Variants in DLGAP2 observed in about 807,000 individuals in gnomAD.
The protein encoded by DLGAP2 is disks large-associated protein 2.
A neutral mutation model predicts 100.3 loss-of-function variants in DLGAP2; 26 were observed. The observed-to-expected ratio is 0.26, with a 90% CI of 0.19 to 0.36. The LOEUF is 0.36. Among genes scored for constraint, DLGAP2 ranks in the 10% least tolerant of loss-of-function variants. The pLI, the probability that DLGAP2 is intolerant of heterozygous loss-of-function variation, is 1.00. For missense variants in DLGAP2, 1,858 were observed against 1,453.2 expected (o/e 1.28, Z -4.53); for synonymous variants, 886 against 630.1 (o/e 1.41, Z -6.08).
intron 12 of DLGAP2, among the ~76,000 whole-genome samples, chr8:1,681,555 G>T (rs1320211454): frequency 1.3e-5 from 2 of 152,048 alleles, no homozygotes; most frequent in Non-Finnish European, 2.9e-5. Context: ...CTTCTCAGGA[G>T]GCTAAGGTGG....
chr8:859,489 C>T (rs3860879), intron 1 of DLGAP2, among the ~76,000 whole-genome samples: 45,386 of 151,728 alleles, frequency 0.3, 7,610 homozygotes, highest in Non-Finnish European at 0.39. Flanking sequence ...AGCTGGTTAG[C>T]GGCACGTGTG....
intron 2 of DLGAP2, among the ~76,000 whole-genome samples, chr8:1,086,685 G>A (rs758643571): frequency 6.6e-6 from 1 of 152,074 alleles, no homozygotes; most frequent in Non-Finnish European, 1.5e-5. Flanking sequence ...AATGATAAAG[G>A]GGTTAATTCA....
Position 966,316 on chromosome 8 carries a change from C to G in DLGAP2, c.73+58350C>G, listed in dbSNP as rs971390159. The stretch of plus-strand genomic sequence containing the variant: ...ATGAATGTAACTTTGAACACTTGAT[C>G]AGAAAGAGAAAACGGATGACATGTT... On this transcript the variant is annotated intron_variant, in intron 2 of 14. Transcript: ENST00000637795. Among the ~76,000 whole-genome samples, 15 of 152,264 alleles carry G rather than the reference C, an allele frequency of 9.9e-5. No homozygotes were observed. The East Asian group carries it at 2.1e-3, about 22-fold the overall frequency.
chr8:1,160,121 G>A (rs545404637), intron 2 of DLGAP2, among the ~76,000 whole-genome samples: 1 of 152,236 alleles, frequency 6.6e-6, no homozygotes, highest in Non-Finnish European at 1.5e-5. Context: ...CGGCCCGTGG[G>A]TTCGGAATTG....
chr8:842,181 C>T (rs532422367), intron 1 of DLGAP2, among the ~76,000 whole-genome samples: 1 of 152,276 alleles, frequency 6.6e-6, no homozygotes. Flanking sequence ...GTCCTTAGGT[C>T]GCCATCTCTC....
At chr8:1,378,663 G>T (rs1298017567) in intron 3 of DLGAP2, among the ~76,000 whole-genome samples, 1 of 152,242 alleles carries the variant, frequency 6.6e-6, no homozygotes, top group Non-Finnish European at 1.5e-5. Flanking sequence ...TGCACACATG[G>T]GTTGGGCGGG....
At chr8:1,303,169 G>A (rs975596282) in intron 3 of DLGAP2, among the ~76,000 whole-genome samples, 9 of 152,118 alleles carry the variant, frequency 5.9e-5, no homozygotes, top group African/African-American at 1.9e-4. Context: ...AGGCCGAGGC[G>A]GGTGGATCAC....
chr8:1,173,869 G>T (rs571271917), intron 2 of DLGAP2, among the ~76,000 whole-genome samples: 1 of 152,144 alleles, frequency 6.6e-6, no homozygotes, highest in Non-Finnish European at 1.5e-5. Context: ...TTCGGCTCCC[G>T]CACGGTGCAC....
At chr8:1,326,533 G>C (rs1801025441) in intron 3 of DLGAP2, among the ~76,000 whole-genome samples, 2 of 152,018 alleles carry the variant, frequency 1.3e-5, no homozygotes, top group Admixed American at 1.3e-4. Context: ...TCTCGGTCCG[G>C]TCCTGTCTTT....
intron 2 of DLGAP2, among the ~76,000 whole-genome samples, chr8:1,201,177 T>C (rs1297848922): frequency 2.0e-5 from 3 of 152,134 alleles, no homozygotes; most frequent in Non-Finnish European, 4.4e-5. Context: ...AGCCGCTGCG[T>C]AGGGAGCCCC....
intron 3 of DLGAP2, among the ~76,000 whole-genome samples, chr8:1,391,930 G>T (rs937313971): frequency 6.6e-6 from 1 of 152,064 alleles, no homozygotes; most frequent in Non-Finnish European, 1.5e-5. Flanking sequence ...TGGAGGAGCC[G>T]TCGGTGTCTG....
At chr8:825,520 CT>C (rs1796671040) in intron 1 of DLGAP2, among the ~76,000 whole-genome samples, 1 of 152,210 alleles carries the variant, frequency 6.6e-6, no homozygotes, top group African/African-American at 2.4e-5. Flanking sequence ...CACTGAGAAA[CT>C]TTGTTAGCAT....
chr8:1,072,131 C>T (rs1187087049), intron 2 of DLGAP2, among the ~76,000 whole-genome samples: 1 of 152,174 alleles, frequency 6.6e-6, no homozygotes, highest in Non-Finnish European at 1.5e-5. Flanking sequence ...CGTCAAGGCA[C>T]ACAGTGGAGG....
intron 3 of DLGAP2, among the ~76,000 whole-genome samples, chr8:1,478,788 C>T (rs1039925921): frequency 7.9e-5 from 12 of 152,186 alleles, no homozygotes; most frequent in Admixed American, 6.5e-4. Flanking sequence ...CTGGGAATGC[C>T]GGAAGGCTTG....
At chr8:1,284,212 A>G (rs1305566182) in intron 3 of DLGAP2, among the ~76,000 whole-genome samples, 2 of 152,230 alleles carry the variant, frequency 1.3e-5, no homozygotes, top group East Asian at 3.8e-4. Flanking sequence ...GCCAGTGGTC[A>G]TTTAAGGAGT....
chr8:1,537,087 A>G lies in DLGAP2; in HGVS notation c.173-11539A>G, dbSNP rs11779373. ...TGGTATGTGGTATGTGGTATGTGGT[A>G]TGTGGTGTGTGGTGTGTGGTGTGTG... On this transcript the variant is annotated intron_variant, in intron 4 of 14. Coordinates refer to ENST00000637795, the MANE Select transcript of DLGAP2 (RefSeq NM_001346810.2). Among the ~76,000 whole-genome samples, 40 of 62,796 alleles carry G rather than the reference A, an allele frequency of 6.4e-4. 1 individual carries two copies. Among genetic ancestry groups the G allele is most frequent in the African/African-American group, 1.9e-3 (26 of 13,996 alleles). 41.2% of individuals were successfully genotyped at this position (62,796 alleles called of 152,430 possible).
chr8:780,942 C>T (rs974974088), intron 1 of DLGAP2, among the ~76,000 whole-genome samples: 2 of 152,168 alleles, frequency 1.3e-5, no homozygotes. Context: ...TTTGCTTGTG[C>T]TAGGGTTTTG....
intron 2 of DLGAP2, among the ~76,000 whole-genome samples, chr8:1,242,683 A>C (rs1798823414): frequency 6.6e-6 from 1 of 152,088 alleles, no homozygotes; most frequent in South Asian, 2.1e-4. Flanking sequence ...CTCCTCCTTA[A>C]TGGTAAGGGA....
At chr8:746,242 G>A (rs1435164361) in intron 1 of DLGAP2, among the ~76,000 whole-genome samples, 1 of 152,214 alleles carries the variant, frequency 6.6e-6, no homozygotes, top group Non-Finnish European at 1.5e-5. Flanking sequence ...ATTTATTTTC[G>A]ATGTTTTCTG....
Sources: allele counts gnomAD v4.1 joint callset (sites outside exome capture counted in the v4.1 genomes callset), GRCh38; gene constraint gnomAD v4.1.1; transcripts MANE v1.5; gene names NCBI Gene and HGNC (gene_info 2026-07-23, HGNC 2026-07-21).